BBS4: variants seen among roughly 807,000 people sequenced by gnomAD.
BBS4 encodes the protein Bardet-Biedl syndrome 4.
BBS4 carries 58 observed loss-of-function variants against 71.4 expected under a neutral mutation model. The ratio of observed to expected loss-of-function variants is 0.81; its 90% CI spans 0.66 to 1.01. BBS4 has a LOEUF of 1.01. Ranked by LOEUF, BBS4 falls within the 50% of genes least tolerant of loss-of-function variation. The probability of loss-of-function intolerance (pLI) is 0.00; values close to 1 mark genes in which losing one functional copy is unlikely to be tolerated. For synonymous variants in BBS4, 228 were observed against 216.8 expected, an observed-to-expected ratio of 1.05 and a Z score of -0.46; for missense variants, 660 against 607.9, an observed-to-expected ratio of 1.09 and a Z score of -0.90.
intron 1 of BBS4, among the ~76,000 whole-genome samples, chr15:72,687,406 C>G (rs2064877683): frequency 6.6e-6 from 1 of 151,800 alleles, no homozygotes; most frequent in Non-Finnish European, 1.5e-5. Context: ...GAGTTTGAGA[C>G]CATCCTGGCC....
At chr15:72,694,037 A>T (rs1245621315) in intron 1 of BBS4, among the ~76,000 whole-genome samples, 1 of 151,858 alleles carries the variant, frequency 6.6e-6, no homozygotes, top group East Asian at 1.9e-4. Context: ...GGTGCCTGCC[A>T]CCACACCCAG....
Position 72,721,871 on chromosome 15 carries a change from A to T in BBS4, c.406-923A>T, listed in dbSNP as rs2065583311. ...AATAAAGGGAGGTTTATTATAAAGG[A>T]ATTTGAGAGTCCATAAAACAGTATC... On this transcript the variant is annotated intron_variant, in intron 6 of 15. Coordinates refer to ENST00000268057, the MANE Select transcript of BBS4 (RefSeq NM_033028.5). Among the ~76,000 whole-genome samples the T allele has an allele frequency of 3.3e-5, 5 of 152,178 alleles. No individual in the cohort carries two copies. In the South Asian group the frequency reaches 1.0e-3, roughly 32 times the overall value.
intron 15 of BBS4, 170 bp downstream of exon 15, chr15:72,737,133 T>C: frequency 1.3e-6 from 1 of 787,554 alleles, no homozygotes; most frequent in African/African-American, 1.7e-5. Flanking sequence ...CTTGTTTCCT[T>C]AAGGCGAGCT....
intron 1 of BBS4, among the ~76,000 whole-genome samples, chr15:72,693,783 C>T (rs1196486239): frequency 6.6e-6 from 1 of 152,120 alleles, no homozygotes; most frequent in Non-Finnish European, 1.5e-5. Context: ...TTACTTAGTA[C>T]CTGACACTGG....
Position 72,737,629 on chromosome 15 carries a change from G to C in BBS4, c.*42G>C. On this transcript the variant is annotated 3_prime_UTR_variant, in exon 16 of 16. Transcript: ENST00000268057. ...CCCAAAATAGGGTTTTCTTGGGCGA[G>C]GATGTGCTGGATTAGGAAAGGTGAC... 6.9e-7 allele frequency: 1 copy of C among 1,455,088 alleles called. No individual in the cohort carries two copies. Among genetic ancestry groups the C allele is most frequent in the Non-Finnish European group, 9.4e-7 (1 of 1,059,266 alleles). 90.1% of individuals were successfully genotyped at this position (1,455,088 alleles called of 1,614,324 possible).
intron 1 of BBS4, among the ~76,000 whole-genome samples, chr15:72,694,934 A>G (rs936860436): frequency 6.6e-6 from 1 of 152,256 alleles, no homozygotes; most frequent in Admixed American, 6.5e-5. Context: ...ATAATTATAC[A>G]TTAAAAATGC....
chr15:72,722,663 G>C (rs886603539), intron 6 of BBS4, 131 bp from the exon 7 acceptor site: 5 of 753,972 alleles, frequency 6.6e-6, no homozygotes, highest in Non-Finnish European at 1.2e-5. Context: ...CTAATAAAAA[G>C]CTGACTGTAA....
intron 2 of BBS4, chr15:72,704,288 T>C: frequency 9.5e-6 from 4 of 421,654 alleles, no homozygotes; most frequent in Non-Finnish European, 1.8e-5. Context: ...GCATTGGAGA[T>C]GATCACTGTG....
intron 4 of BBS4, among the ~76,000 whole-genome samples, chr15:72,714,345 C>G (rs778331114): frequency 1.3e-5 from 2 of 151,548 alleles, no homozygotes; most frequent in Non-Finnish European, 2.9e-5. Flanking sequence ...CCTGCCTCAG[C>G]CCCCCTATTA....
At chr15:72,698,003 C>A (rs766844808) in intron 2 of BBS4, 10 of 455,980 alleles carry the variant, frequency 2.2e-5, no homozygotes, top group South Asian at 1.5e-4. Context: ...TGACTTTCTT[C>A]TGGCTTTCAG....
At chr15:72,686,486 C>G (rs1316818499) in intron 1 of BBS4, 1 of 1,526,964 alleles carries the variant, frequency 6.5e-7, no homozygotes, top group East Asian at 2.5e-5. Flanking sequence ...TTGGGGTGCG[C>G]TGGACGGAGA....
intron 6 of BBS4, among the ~76,000 whole-genome samples, chr15:72,720,486 CAAAAAA>C (rs60677539): frequency 1.6e-5 from 2 of 121,416 alleles, no homozygotes; most frequent in South Asian, 2.6e-4. Flanking sequence ...GACCCTGTCT[CAAAAAA>C]AAAAAAAAAA....
rs577468172 is a variant in BBS4, at chr15:72,732,869, C to T, written c.1036+1143C>T. On this transcript the variant is annotated intron_variant, in intron 12 of 15. Coordinates refer to ENST00000268057, the MANE Select transcript of BBS4 (RefSeq NM_033028.5). ...AGAAATGCCCTCCCCGGGGCAAGAC[C>T]GGGAAAGCAGGTTAACCAGGTTGGG... Among the ~76,000 whole-genome samples, 52 of 152,184 alleles carry T rather than the reference C, an allele frequency of 3.4e-4. No individual in the cohort carries two copies. In the South Asian group the frequency reaches 1.0e-2, roughly 29 times the overall value.
At chr15:72,728,310 T>G (rs530715209) in intron 9 of BBS4, among the ~76,000 whole-genome samples, 2 of 152,044 alleles carry the variant, frequency 1.3e-5, no homozygotes, top group South Asian at 4.2e-4. Flanking sequence ...CCAGCCTGGG[T>G]AACATAGTGA....
At chr15:72,706,003 T>TA (rs1313861212) in intron 2 of BBS4, among the ~76,000 whole-genome samples, 2 of 152,316 alleles carry the variant, frequency 1.3e-5, no homozygotes, top group African/African-American at 4.8e-5. Flanking sequence ...TAATACTTAG[T>TA]ATAAACTCAA....
rs1373261642 is a variant in BBS4, at chr15:72,731,545, T to C, written c.865-10T>C. 5 of 1,614,214 alleles carry C rather than the reference T, an allele frequency of 3.1e-6. No homozygotes were observed. The South Asian group carries it at 5.5e-5, about 18-fold the overall frequency. On this transcript the variant is annotated splice_polypyrimidine_tract_variant and intron_variant, in intron 11 of 15. Coordinates refer to ENST00000268057, the MANE Select transcript of BBS4 (RefSeq NM_033028.5). ...TGCCCTTCTCATTGAGTGCCCCTTCTCTCTCATAGGCCATCAGCTGCCTGA... is the reference window on the plus strand; with the variant it reads ...TGCCCTTCTCATTGAGTGCCCCTTCCCTCTCATAGGCCATCAGCTGCCTGA...
intron 2 of BBS4, among the ~76,000 whole-genome samples, chr15:72,701,478 G>A (rs910255387): frequency 3.3e-5 from 5 of 152,090 alleles, no homozygotes; most frequent in Non-Finnish European, 5.9e-5. Flanking sequence ...AGGATTTTCA[G>A]GGTCACCAGG....
intron 1 of BBS4, among the ~76,000 whole-genome samples, chr15:72,689,506 G>A (rs973237527): frequency 6.6e-6 from 1 of 152,178 alleles, no homozygotes; most frequent in Non-Finnish European, 1.5e-5. Flanking sequence ...ACTGAGGTGA[G>A]AGGATAACTT....
chr15:72,707,776 A>C (rs984950719), intron 2 of BBS4, among the ~76,000 whole-genome samples: 48 of 152,108 alleles, frequency 3.2e-4, no homozygotes, highest in African/African-American at 9.9e-4. Flanking sequence ...CCATATTTTA[A>C]ACTTCTGATT....
Sources: allele counts gnomAD v4.1 joint callset (sites outside exome capture counted in the v4.1 genomes callset), GRCh38; gene constraint gnomAD v4.1.1; transcripts MANE v1.5; gene names NCBI Gene and HGNC (gene_info 2026-07-23, HGNC 2026-07-21).